The following KLHDC4 variants were observed in gnomAD, a reference collection of about 807,000 sequenced individuals.
KLHDC4 encodes the protein kelch domain containing 4.
In KLHDC4, 90 loss-of-function variants were observed where a neutral mutation model predicts 62.4. The observed-to-expected ratio is 1.44, with a 90% CI of 1.22 to 1.72. The LOEUF is 1.72. Among genes scored for constraint, KLHDC4 ranks in the 40% most tolerant of loss-of-function variants. KLHDC4 has a pLI of 0.00. For synonymous variants in KLHDC4, 386 were observed against 284.4 expected (o/e 1.36, Z -3.59); for missense variants, 1,025 against 699.7 (o/e 1.47, Z -5.25).
rs540450949 is a variant in KLHDC4, at chr16:87,727,026, G to C, written c.600-102C>G. ...ATTAAAGGTAAATTTCCTACTGTTT[G>C]GGGAAAAACTCAAACCATTTTTCTC... On this transcript the variant is annotated intron_variant, in intron 6 of 11. Coordinates refer to ENST00000270583, the MANE Select transcript of KLHDC4 (RefSeq NM_017566.4). 86 of 1,291,138 alleles carry C rather than the reference G, an allele frequency of 6.7e-5. No homozygotes were observed. The African/African-American group carries it at 1.1e-3, about 16-fold the overall frequency. 80.0% of individuals were successfully genotyped at this position (1,291,138 alleles called of 1,614,324 possible). A position where few individuals can be genotyped will look rare whatever the true frequency, so the allele number is the denominator to read the frequency against.
At chr16:87,725,766 G>A (rs541084415) in intron 7 of KLHDC4, among the ~76,000 whole-genome samples, 1 of 152,290 alleles carries the variant, frequency 6.6e-6, no homozygotes, top group Admixed American at 6.5e-5. Flanking sequence ...CACTCCACGA[G>A]CAGATGCCAG....
At chr16:87,700,676 A>AGGAGGGCAGAGGGCGGAGGGG (rs2034099019) in exon 1 of KLHDC4, 1 of 167,628 alleles carries the variant, frequency 6.0e-6, no homozygotes, top group African/African-American at 4.5e-5. Context: ...GGGCGGAGGG[A>AGGAGGGCAGAGGGCGGAGGGG]GGAGGTTGGA....
At chr16:87,737,106 C>CCAAA (rs762864390) in intron 5 of KLHDC4, among the ~76,000 whole-genome samples, 1 of 64,824 alleles carries the variant, frequency 1.5e-5, no homozygotes, top group Non-Finnish European at 2.8e-5. Flanking sequence ...GCCTGGGCGA[C>CCAAA]AAAAAAAAAA....
At chr16:87,739,905 G>C (rs919417327) in intron 5 of KLHDC4, 2 of 152,282 alleles carry the variant, frequency 1.3e-5, no homozygotes, top group East Asian at 1.9e-4. Context: ...AGATCATGGT[G>C]TTGGCTGCGC....
intron 5 of KLHDC4, among the ~76,000 whole-genome samples, chr16:87,736,912 G>C (rs993827524): frequency 6.6e-6 from 1 of 151,716 alleles, no homozygotes; most frequent in Non-Finnish European, 1.5e-5. Flanking sequence ...ATCACCTGAG[G>C]TCAGGAGTTC....
chr16:87,716,079 T>C (rs889916362), intron 7 of KLHDC4, among the ~76,000 whole-genome samples: 3 of 152,154 alleles, frequency 2.0e-5, no homozygotes, highest in African/African-American at 7.2e-5. Context: ...TCAGGTACGC[T>C]CTATGTCTCG....
Position 87,765,896 on chromosome 16 carries a change from C to T in KLHDC4, c.-6G>A, listed in dbSNP as rs1344490400. On this transcript the variant is annotated 5_prime_UTR_variant, in exon 1 of 12. Coordinates refer to ENST00000270583, the MANE Select transcript of KLHDC4 (RefSeq NM_017566.4). The stretch of plus-strand genomic sequence containing the variant: ...TTCTTGCCCTTCTTGCCCATCTTGC[C>T]GGGTCCCAAGCCGCGACGGGACACC... 1.3e-6 allele frequency: 2 copies of T among 1,550,840 alleles called. No homozygotes were observed. The highest frequency in any genetic ancestry group is 8.7e-7 in the Non-Finnish European group (1 of 1,146,790).
chr16:87,714,942 C>T (rs12933937), intron 7 of KLHDC4, among the ~76,000 whole-genome samples: 29,996 of 152,168 alleles, frequency 0.2, 3,268 homozygotes, highest in African/African-American at 0.3. Flanking sequence ...CCACCGCCTT[C>T]CAAATAACAC....
intron 4 of KLHDC4, among the ~76,000 whole-genome samples, chr16:87,749,727 G>C (rs866172756): frequency 2.1e-4 from 32 of 152,198 alleles, no homozygotes; most frequent in African/African-American, 7.0e-4. Flanking sequence ...TGGACGACAG[G>C]CATGTGACAT....
Position 87,711,458 on chromosome 16 carries a change from C to G in KLHDC4, c.836-15G>C. Reference sequence around the variant, plus strand: ...AACCCACTTGTCTGTCAAAAGAGAACAAGGAAGTGGGATAAGAACACAAGG... The same window carrying G: ...AACCCACTTGTCTGTCAAAAGAGAAGAAGGAAGTGGGATAAGAACACAAGG... On this transcript the variant is annotated splice_polypyrimidine_tract_variant and intron_variant, in intron 8 of 11. Coordinates refer to ENST00000270583, the MANE Select transcript of KLHDC4 (RefSeq NM_017566.4). 2.5e-6 allele frequency: 4 copies of G among 1,598,632 alleles called. No individual in the cohort carries two copies. Among genetic ancestry groups the G allele is most frequent in the Non-Finnish European group, 3.4e-6 (4 of 1,174,044 alleles).
At chr16:87,748,909 T>A (rs1567796965) in intron 4 of KLHDC4, 100 bp from the exon 5 acceptor site, 1 of 1,381,600 alleles carries the variant, frequency 7.2e-7, no homozygotes. Flanking sequence ...CTATCTCGGA[T>A]GCCCTGCAAC....
At chr16:87,713,351 G>A (rs149930047) in intron 8 of KLHDC4, among the ~76,000 whole-genome samples, 153 of 151,770 alleles carry the variant, frequency 1.0e-3, no homozygotes, top group African/African-American at 3.6e-3. Context: ...AGGCACACAC[G>A]CCAGCACACC....
intron 7 of KLHDC4, among the ~76,000 whole-genome samples, chr16:87,721,994 CCT>C (rs1244958948): frequency 1.3e-5 from 2 of 152,144 alleles, no homozygotes; most frequent in Non-Finnish European, 2.9e-5. Flanking sequence ...GTGCTGGTTC[CCT>C]GACTCTCTAA....
At chr16:87,737,989 C>G (rs971469635) in intron 5 of KLHDC4, among the ~76,000 whole-genome samples, 1 of 152,168 alleles carries the variant, frequency 6.6e-6, no homozygotes, top group African/African-American at 2.4e-5. Context: ...ATACACACCC[C>G]GGCCTTCCAG....
intron 7 of KLHDC4, among the ~76,000 whole-genome samples, chr16:87,717,722 A>T (rs1453790670): frequency 6.7e-6 from 1 of 148,412 alleles, no homozygotes; most frequent in Non-Finnish European, 1.5e-5. Context: ...ATTGACACCC[A>T]GAGACTTCAT....
intron 5 of KLHDC4, among the ~76,000 whole-genome samples, chr16:87,731,265 AT>A (rs2040321533): frequency 1.3e-5 from 2 of 151,702 alleles, no homozygotes; most frequent in East Asian, 3.9e-4. Context: ...GGGTTTCACC[AT>A]GTTGGCCAGG....
chr16:87,758,245 C>A (rs1359791005), intron 2 of KLHDC4, among the ~76,000 whole-genome samples: 3 of 152,212 alleles, frequency 2.0e-5, no homozygotes, highest in Non-Finnish European at 4.4e-5. Flanking sequence ...TTAGCTCAAA[C>A]AGATACCTGT....
intron 5 of KLHDC4, among the ~76,000 whole-genome samples, chr16:87,740,384 GT>G (rs1555583196): frequency 6.6e-6 from 1 of 152,212 alleles, no homozygotes. Context: ...AGTTGTGGGG[GT>G]GGGGAGAGGG....
rs1567819669 is a variant in KLHDC4 at position 87,755,277 on chromosome 16, CGTTA to C, written c.282_285del (p.Tyr94Ter). On this transcript the variant is annotated frameshift_variant, in exon 4 of 12. Coordinates refer to ENST00000270583, the MANE Select transcript of KLHDC4 (RefSeq NM_017566.4). LOFTEE classifies it high-confidence loss of function. ...TTTCTGGTATTGTAGACATAGAGCT[CGTTA>C]TACAAAAAAGTCTACAGGAAGGAAG... 1.3e-6 allele frequency: 2 copies of C among 1,597,948 alleles called. No individual in the cohort carries two copies. The highest frequency in any genetic ancestry group is 1.7e-6 in the Non-Finnish European group (2 of 1,166,226).
Sources: gnomAD v4.1 joint callset for allele counts (sites outside exome capture counted in the v4.1 genomes callset) on GRCh38, gnomAD v4.1.1 for gene constraint, MANE v1.5 for transcripts, NCBI Gene and HGNC (gene_info 2026-07-23, HGNC 2026-07-21) for gene names.